Variants in HS6ST2 observed in about 807,000 individuals in gnomAD.
HS6ST2 encodes the protein heparan sulfate 6-O-sulfotransferase 2, also known as heparan-sulfate 6-O-sulfotransferase 2.
Under a neutral mutation model 33.0 loss-of-function variants are expected in HS6ST2, and 17 were observed. The observed-to-expected ratio is 0.52, with a 90% CI of 0.35 to 0.77. HS6ST2 has a LOEUF of 0.77. HS6ST2 is among the 30% of genes least tolerant of loss of function. HS6ST2 has a pLI of 0.01. For missense variants in HS6ST2, 519 were observed against 551.7 expected (o/e 0.94, Z 0.59); for synonymous variants, 248 against 237.1 (o/e 1.05, Z -0.42).
chrX:132,691,978 C>T (rs757898184), intron 3 of HS6ST2, among the ~76,000 whole-genome samples: 17 of 111,987 alleles, frequency 1.5e-4, no homozygotes, highest in Admixed American at 8.5e-4. Flanking sequence ...TAAAACCCAT[C>T]GGGTGAAGAA....
intron 2 of HS6ST2, among the ~76,000 whole-genome samples, chrX:132,807,811 C>T (rs1041273844): frequency 2.7e-5 from 3 of 111,851 alleles, no homozygotes; most frequent in Admixed American, 9.5e-5. Flanking sequence ...AGCAAAACGG[C>T]GCTAGCATTG....
At position 132,630,393 on chromosome X, in the gene HS6ST2, T is replaced by C. The variant is rs767316081; in HGVS notation, c.1068-1300A>G. On this transcript the variant is annotated intron_variant, in intron 4 of 4. Coordinates refer to ENST00000370833, the MANE Select transcript of HS6ST2 (RefSeq NM_001394073.1). ...TTAACTGAATATTGGCTGATGTTCA[T>C]TGAGGAAACGTTTCTCCCAACTGGG... Among the ~76,000 whole-genome samples, 8 of 111,632 alleles carry C rather than the reference T, an allele frequency of 7.2e-5. No homozygotes were observed. In the South Asian group the frequency reaches 1.9e-3, roughly 27 times the overall value.
intron 4 of HS6ST2, among the ~76,000 whole-genome samples, chrX:132,660,534 TG>T (rs2148192258): frequency 9.0e-6 from 1 of 111,608 alleles, no homozygotes; most frequent in Admixed American, 9.5e-5. Flanking sequence ...TTTTTCTTCT[TG>T]TTTTTCACTT....
intron 2 of HS6ST2, among the ~76,000 whole-genome samples, chrX:132,868,389 A>G (rs926661994): frequency 8.9e-6 from 1 of 112,109 alleles, no homozygotes; most frequent in Admixed American, 9.5e-5. Flanking sequence ...AAAATTATCA[A>G]GGATATTCAG....
chrX:132,636,547 C>T (rs2148600444), intron 4 of HS6ST2, among the ~76,000 whole-genome samples: 1 of 112,069 alleles, frequency 8.9e-6, no homozygotes, highest in South Asian at 3.7e-4. Context: ...CTCGTCAGAA[C>T]AGGAGGAAAC....
intron 2 of HS6ST2, among the ~76,000 whole-genome samples, chrX:132,803,684 C>T (rs1195357739): frequency 8.9e-6 from 1 of 111,972 alleles, no homozygotes; most frequent in Non-Finnish European, 1.9e-5. Context: ...GCTGGGATTA[C>T]AGGCATGAGC....
At chrX:132,664,770 A>G (rs1296295683) in intron 4 of HS6ST2, among the ~76,000 whole-genome samples, 2 of 112,117 alleles carry the variant, frequency 1.8e-5, no homozygotes, top group African/African-American at 6.5e-5. Flanking sequence ...GCCTGAGCCT[A>G]TGTGAAAAAC....
chrX:132,710,991 G>A (rs768433957), intron 2 of HS6ST2, among the ~76,000 whole-genome samples: 2 of 111,773 alleles, frequency 1.8e-5, no homozygotes, highest in East Asian at 5.7e-4. Context: ...AGCACTGGAA[G>A]GACAAAAGGA....
chrX:132,669,014 C>G (rs1369803531), intron 4 of HS6ST2, 99 bp downstream of exon 4: 1 of 550,675 alleles, frequency 1.8e-6, no homozygotes, highest in African/African-American at 2.3e-5. Context: ...AGACATTCCA[C>G]AAATCTTTGT....
At chrX:132,959,432 T>G (rs2067126853), upstream of HS6ST2, among the ~76,000 whole-genome samples, 3 of 112,010 alleles carry the variant, frequency 2.7e-5, no homozygotes, top group South Asian at 1.1e-3. Context: ...TGCAACTCCC[T>G]CCAGTCCCAC....
At chrX:132,795,493 G>A (rs2065167582) in intron 2 of HS6ST2, among the ~76,000 whole-genome samples, 2 of 112,234 alleles carry the variant, frequency 1.8e-5, no homozygotes, top group Admixed American at 1.9e-4. Flanking sequence ...CACAGCCGAC[G>A]TGCTCAAAGC....
chrX:132,647,678 T>A (rs1043283280), intron 4 of HS6ST2, among the ~76,000 whole-genome samples: 1 of 112,118 alleles, frequency 8.9e-6, no homozygotes, highest in Admixed American at 9.4e-5. Context: ...TGGTAGGAAA[T>A]GAATGAAGCC....
chrX:132,943,820 A>AT (rs1411043111), intron 2 of HS6ST2, among the ~76,000 whole-genome samples: 1 of 111,936 alleles, frequency 8.9e-6, no homozygotes, highest in Non-Finnish European at 1.9e-5. Context: ...CCTTCATGCT[A>AT]AAAACTCTCA....
chrX:132,896,236 G>A (rs776749672), intron 2 of HS6ST2, among the ~76,000 whole-genome samples: 4 of 110,555 alleles, frequency 3.6e-5, no homozygotes, highest in Non-Finnish European at 5.7e-5. Flanking sequence ...TTTGGGAGGC[G>A]GAGGCGGGTG....
At chrX:132,930,943 A>G (rs1249373552) in intron 2 of HS6ST2, among the ~76,000 whole-genome samples, 2 of 111,218 alleles carry the variant, frequency 1.8e-5, no homozygotes, top group Non-Finnish European at 3.8e-5. Context: ...AATGTATAAT[A>G]TGTCTTGGAG....
At chrX:132,859,019 G>A (rs945725081) in intron 2 of HS6ST2, among the ~76,000 whole-genome samples, 3 of 111,859 alleles carry the variant, frequency 2.7e-5, no homozygotes, top group African/African-American at 6.5e-5. Context: ...CAGATATGTC[G>A]GCCCTGGAAA....
chrX:132,734,722 C>T (rs1383752726), intron 2 of HS6ST2, among the ~76,000 whole-genome samples: 1 of 112,658 alleles, frequency 8.9e-6, no homozygotes, highest in African/African-American at 3.2e-5. Flanking sequence ...TCTTTACAAG[C>T]AAAGCCAACA....
intron 2 of HS6ST2, among the ~76,000 whole-genome samples, chrX:132,831,797 G>T (rs762327618): frequency 2.0e-4 from 23 of 112,238 alleles, no homozygotes; most frequent in Admixed American, 7.6e-4. Context: ...AAACAGCTGA[G>T]TTGGACACCA....
At position 132,811,277 on chromosome X, in the gene HS6ST2, C is replaced by T. The variant is rs1038474452; in HGVS notation, c.948-102783G>A. Among the ~76,000 whole-genome samples the T allele has an allele frequency of 3.6e-5, 4 of 110,966 alleles. No individual in the cohort carries two copies. The Admixed American group carries it at 3.9e-4, about 11-fold the overall frequency. On this transcript the variant is annotated intron_variant, in intron 2 of 4. Transcript: ENST00000370833. Reference sequence around the variant, plus strand: ...GTCAGCAGTGGAAAGAGCCACTACTCTAGGTTACGAACAACCCAGGAGACC... The same window carrying T: ...GTCAGCAGTGGAAAGAGCCACTACTTTAGGTTACGAACAACCCAGGAGACC...
Sources: gnomAD v4.1 joint callset for allele counts (sites outside exome capture counted in the v4.1 genomes callset) on GRCh38, gnomAD v4.1.1 for gene constraint, MANE v1.5 for transcripts, NCBI Gene and HGNC (gene_info 2026-07-23, HGNC 2026-07-21) for gene names.